RGL1: variants seen among roughly 807,000 people sequenced by gnomAD.
The protein encoded by RGL1 is ral guanine nucleotide dissociation stimulator-like 1.
Under a neutral mutation model 95.2 loss-of-function variants are expected in RGL1, and 24 were observed. The ratio of observed to expected loss-of-function variants is 0.25; its 90% confidence interval spans 0.18 to 0.35. The LOEUF is 0.35. Ranked by LOEUF, RGL1 falls within the 10% of genes least tolerant of loss-of-function variation. The pLI, the probability that RGL1 is intolerant of heterozygous loss-of-function variation, is 1.00. For synonymous variants in RGL1, 329 were observed against 344.9 expected, an observed-to-expected ratio of 0.95 and a Z score of 0.51; for missense variants, 715 against 936.3, an observed-to-expected ratio of 0.76 and a Z score of 3.08.
At chr1:183,905,415 A>C (rs1406959005) in intron 13 of RGL1, among the ~76,000 whole-genome samples, 6 of 140,392 alleles carry the variant, frequency 4.3e-5, no homozygotes, top group Non-Finnish European at 8.1e-5. Flanking sequence ...AAACTTTGAA[A>C]TATGATGGGT....
chr1:183,746,557 A>G (rs1412661764), intron 2 of RGL1, among the ~76,000 whole-genome samples: 1 of 151,888 alleles, frequency 6.6e-6, no homozygotes, highest in South Asian at 2.1e-4. Context: ...ATGTGGATGA[A>G]CATTTAAGTT....
chr1:183,662,616 C>A (rs1651722683), intron 1 of RGL1, among the ~76,000 whole-genome samples: 1 of 152,140 alleles, frequency 6.6e-6, no homozygotes, highest in Admixed American at 6.5e-5. Flanking sequence ...GAATCAATAT[C>A]ATAAAAATGG....
intron 8 of RGL1, 56 bp from the exon 9 acceptor site, chr1:183,892,017 AAAAG>A: frequency 7.2e-7 from 1 of 1,380,366 alleles, no homozygotes; most frequent in Non-Finnish European, 1.0e-6. Context: ...CAGCTGGGCC[AAAAG>A]TGTCGGGTTA....
chr1:183,711,117 G>A (rs1479665794), intron 1 of RGL1, among the ~76,000 whole-genome samples: 4 of 152,096 alleles, frequency 2.6e-5, no homozygotes, highest in Admixed American at 6.6e-5. Context: ...CTTTTAGGCC[G>A]GGTCACACAC....
intron 2 of RGL1, among the ~76,000 whole-genome samples, chr1:183,828,865 A>T (rs1663065152): frequency 6.6e-6 from 1 of 152,220 alleles, no homozygotes; most frequent in African/African-American, 2.4e-5. Context: ...GTCAATGACA[A>T]TGGAAAAAGA....
At position 183,927,676 on chromosome 1, in the gene RGL1, A is replaced by C. The variant is rs1347846601; in HGVS notation, c.*1384A>C. The stretch of plus-strand genomic sequence containing the variant: ...TGTGCTGGGGTTTGAACTAAAAGCC[A>C]TATGTGGAATATTGACATGTGTAAG... On this transcript the variant is annotated 3_prime_UTR_variant, in exon 18 of 18. Transcript: ENST00000360851. 1 of 152,652 alleles carries C rather than the reference A, an allele frequency of 6.6e-6. No homozygotes were observed. Among genetic ancestry groups the C allele is most frequent in the African/African-American group, 2.4e-5 (1 of 41,448 alleles). The allele number at this position is 152,652 out of a possible 1,614,324, so 9.5% of individuals were successfully genotyped here.
intron 2 of RGL1, among the ~76,000 whole-genome samples, chr1:183,842,316 AT>A (rs1200106568): frequency 7.5e-6 from 1 of 133,582 alleles, no homozygotes; most frequent in Non-Finnish European, 1.6e-5. Context: ...CTGAATTATT[AT>A]TTTGATTGAA....
intron 3 of RGL1, among the ~76,000 whole-genome samples, chr1:183,851,953 A>G (rs1036436684): frequency 6.6e-6 from 1 of 152,210 alleles, no homozygotes; most frequent in African/African-American, 2.4e-5. Context: ...TTATTTTGTC[A>G]GTAGATTGTG....
chr1:183,705,004 G>A (rs1404022805), intron 1 of RGL1, among the ~76,000 whole-genome samples: 1 of 152,186 alleles, frequency 6.6e-6, no homozygotes, highest in Non-Finnish European at 1.5e-5. Context: ...TGTAGAAGGA[G>A]AAAGGTTTGG....
rs577728996 is a variant in RGL1, at chr1:183,928,162, G to A, written c.*1870G>A. ...TCAGCCTGATATTCTTGGTGCGAAG[G>A]TAAAAAAAAAAAAATAAATAAAACC... On this transcript the variant is annotated 3_prime_UTR_variant, in exon 18 of 18. Coordinates refer to ENST00000360851, the MANE Select transcript of RGL1 (RefSeq NM_001297671.3). 29 of 130,560 alleles carry A rather than the reference G, an allele frequency of 2.2e-4. No individual in the cohort carries two copies. The highest frequency in any genetic ancestry group is 7.8e-4 in the African/African-American group (28 of 36,032). 8.1% of individuals were successfully genotyped at this position (130,560 alleles called of 1,614,324 possible).
At chr1:183,688,443 T>C (rs1653747687) in intron 1 of RGL1, among the ~76,000 whole-genome samples, 1 of 150,684 alleles carries the variant, frequency 6.6e-6, no homozygotes, top group Non-Finnish European at 1.5e-5. Flanking sequence ...AAATGAAATC[T>C]CTGGATCTAC....
At chr1:183,863,459 A>G (rs1038886336) in intron 3 of RGL1, among the ~76,000 whole-genome samples, 1 of 151,964 alleles carries the variant, frequency 6.6e-6, no homozygotes, top group Non-Finnish European at 1.5e-5. Context: ...ATGTGCCACC[A>G]TGCTTGGCTT....
chr1:183,766,183 G>T (rs1453322806), intron 2 of RGL1, among the ~76,000 whole-genome samples: 2 of 152,036 alleles, frequency 1.3e-5, no homozygotes, highest in Non-Finnish European at 2.9e-5. Flanking sequence ...GAGGCGGGCG[G>T]ATCATGAGGT....
intron 1 of RGL1, among the ~76,000 whole-genome samples, chr1:183,643,239 A>G (rs1650046347): frequency 6.6e-6 from 1 of 151,436 alleles, no homozygotes; most frequent in Non-Finnish European, 1.5e-5. Flanking sequence ...TGGGTGTAGA[A>G]CTATCTCTTT....
At chr1:183,771,505 G>C (rs1659270464) in intron 2 of RGL1, among the ~76,000 whole-genome samples, 1 of 152,202 alleles carries the variant, frequency 6.6e-6, no homozygotes, top group African/African-American at 2.4e-5. Context: ...CGTATGTCAA[G>C]AGAAGCTTGA....
intron 5 of RGL1, among the ~76,000 whole-genome samples, chr1:183,882,343 T>C (rs1307220010): frequency 6.6e-6 from 1 of 152,196 alleles, no homozygotes; most frequent in Non-Finnish European, 1.5e-5. Flanking sequence ...GCTCCTTGAC[T>C]GAAGTGGGTT....
At chr1:183,811,732 A>C (rs1558221210) in intron 2 of RGL1, among the ~76,000 whole-genome samples, 1 of 152,178 alleles carries the variant, frequency 6.6e-6, no homozygotes, top group African/African-American at 2.4e-5. Flanking sequence ...TGTGACATGT[A>C]ATCAAGAATA....
intron 1 of RGL1, among the ~76,000 whole-genome samples, chr1:183,667,799 T>G (rs1298548324): frequency 6.6e-6 from 1 of 152,244 alleles, no homozygotes; most frequent in African/African-American, 2.4e-5. Context: ...TGTCCTTTCT[T>G]AGCACATCAG....
At chr1:183,921,275 T>C (rs1330093607) in intron 16 of RGL1, among the ~76,000 whole-genome samples, 1 of 152,226 alleles carries the variant, frequency 6.6e-6, no homozygotes, top group African/African-American at 2.4e-5. Context: ...TAGTTACATA[T>C]GCAGATCTTA....
Sources: gnomAD v4.1 joint callset for allele counts (sites outside exome capture counted in the v4.1 genomes callset) on GRCh38, gnomAD v4.1.1 for gene constraint, MANE v1.5 for transcripts, NCBI Gene and HGNC (gene_info 2026-07-23, HGNC 2026-07-21) for gene names.